AP1AR: variants seen among roughly 807,000 people sequenced by gnomAD.
AP1AR encodes AP-1 complex-associated regulatory protein.
In AP1AR, 29 loss-of-function variants were observed where a neutral mutation model predicts 46.3. That is an observed-to-expected ratio of 0.63 (90% CI 0.47 to 0.85). The LOEUF (loss-of-function observed/expected upper bound fraction) is 0.85. Among genes scored for constraint, AP1AR ranks in the 40% least tolerant of loss-of-function variants. AP1AR has a pLI of 0.00. For synonymous variants in AP1AR, 122 were observed against 122.9 expected, an observed-to-expected ratio of 0.99 and a Z score of 0.05; for missense variants, 357 against 356.3, an observed-to-expected ratio of 1.00 and a Z score of -0.02.
chr4:112,265,830 T>C, intron 8 of AP1AR, 23 bp downstream of exon 8: 1 of 1,500,274 alleles, frequency 6.7e-7, no homozygotes, highest in Non-Finnish European at 9.2e-7. Flanking sequence ...AAGTATTTTC[T>C]GTACTTTTTA....
intron 4 of AP1AR, 26 bp downstream of exon 4, chr4:112,257,823 C>A (rs547174670): frequency 5.3e-4 from 765 of 1,444,960 alleles, no homozygotes; most frequent in Middle Eastern, 1.6e-3. Context: ...AAAAAAAAAA[C>A]AAAACTTCTA....
At chr4:112,260,367 C>G (rs1180108042) in intron 4 of AP1AR, among the ~76,000 whole-genome samples, 1 of 152,078 alleles carries the variant, frequency 6.6e-6, no homozygotes, top group Non-Finnish European at 1.5e-5. Flanking sequence ...AGAAGAGTTC[C>G]AGAATGGTAT....
intron 1 of AP1AR, among the ~76,000 whole-genome samples, chr4:112,233,605 GA>G (rs1271363397): frequency 2.0e-5 from 3 of 152,230 alleles, no homozygotes; most frequent in African/African-American, 7.2e-5. Context: ...GTTGGTTGGT[GA>G]GGGAGCAGTA....
rs1352895250 is a variant in AP1AR, at chr4:112,269,333, A to AT, written c.*928dup. On this transcript the variant is annotated 3_prime_UTR_variant, in exon 10 of 10. Transcript: ENST00000274000. ...CTTTCTGGTATGAAAGGCTCCATTG[A>AT]TTTTATTAAGCCTTCCTTTACCTTG... is the stretch of plus-strand genomic sequence containing the variant. 1 of 152,280 alleles carries AT rather than the reference A, an allele frequency of 6.6e-6. No homozygotes were observed. The highest frequency in any genetic ancestry group is 1.5e-5 in the Non-Finnish European group (1 of 67,826). 9.4% of individuals were successfully genotyped at this position (152,280 alleles called of 1,614,324 possible). A position where few individuals can be genotyped will look rare whatever the true frequency, so the allele number is the denominator to read the frequency against.
chr4:112,260,169 G>A (rs531728095), intron 4 of AP1AR, among the ~76,000 whole-genome samples: 46 of 152,242 alleles, frequency 3.0e-4, no homozygotes, highest in African/African-American at 1.1e-3. Flanking sequence ...AAGTGAATAT[G>A]GAATAATGAT....
At chr4:112,243,510 C>T (rs1465491119) in intron 1 of AP1AR, among the ~76,000 whole-genome samples, 3 of 152,150 alleles carry the variant, frequency 2.0e-5, no homozygotes, top group African/African-American at 7.2e-5. Flanking sequence ...GTTATTCATA[C>T]GTTCATTCTA....
chr4:112,262,677 T>C (rs1011892447), intron 5 of AP1AR, among the ~76,000 whole-genome samples: 1 of 152,120 alleles, frequency 6.6e-6, no homozygotes, highest in Non-Finnish European at 1.5e-5. Context: ...GGGTGATAGG[T>C]GTTGGAATGA....
At position 112,253,254 on chromosome 4, in the gene AP1AR, G is replaced by C. The variant is rs368420296; in HGVS notation, c.130G>C (p.Glu44Gln). The C allele has an allele frequency of 3.7e-6, 6 of 1,608,348 alleles. No individual in the cohort carries two copies. The highest frequency in any genetic ancestry group is 5.1e-6 in the Non-Finnish European group (6 of 1,177,034). The change falls in exon 2 of 10, where the codon GAG becomes CAG. Residue 44 changes from glutamate (E) to glutamine (Q), a missense_variant and splice_region_variant. By Grantham distance (29) the Glu-to-Gln change is conservative. This residue lies in a region of AP1AR where 269 missense variants were observed against 223.6 expected (regional missense o/e 1.20). Transcript: ENST00000274000. ...TCSRGEHLTI[E>Q]FENLVESDEG... is the part of the protein sequence containing the mutation. ...CTCAAGAGGTGAGCACTTAACAATA[G>C]AGGTAAGTAGTCCTTAATTTGATTG...
chr4:112,249,028 C>T (rs1218837341), intron 1 of AP1AR, among the ~76,000 whole-genome samples: 1 of 152,194 alleles, frequency 6.6e-6, no homozygotes, highest in East Asian at 1.9e-4. Flanking sequence ...TGCGGTGGCT[C>T]ACGCCTGTAA....
intron 3 of AP1AR, among the ~76,000 whole-genome samples, chr4:112,256,554 C>T (rs1299399587): frequency 6.6e-6 from 1 of 152,164 alleles, no homozygotes; most frequent in Non-Finnish European, 1.5e-5. Context: ...CCCTCTTCTC[C>T]TCTCTAATTT....
chr4:112,254,502 A>G (rs529849121), intron 2 of AP1AR, among the ~76,000 whole-genome samples: 30 of 152,226 alleles, frequency 2.0e-4, no homozygotes, highest in Admixed American at 4.6e-4. Flanking sequence ...GAAAATTGCT[A>G]TAATTCTCCT....
intron 1 of AP1AR, among the ~76,000 whole-genome samples, chr4:112,247,023 G>GTAT (rs1725753839): frequency 6.6e-6 from 1 of 152,172 alleles, no homozygotes; most frequent in Admixed American, 6.5e-5. Flanking sequence ...GATCCATGAT[G>GTAT]TATTGTTTGT....
At chr4:112,237,229 C>A (rs991504098) in intron 1 of AP1AR, among the ~76,000 whole-genome samples, 2 of 152,032 alleles carry the variant, frequency 1.3e-5, no homozygotes, top group Admixed American at 6.5e-5. Flanking sequence ...GCCTCAGCAT[C>A]CCGAGTAGCT....
Position 112,268,784 on chromosome 4 carries a change from C to A in AP1AR, c.*375C>A, listed in dbSNP as rs1406908358. On this transcript the variant is annotated 3_prime_UTR_variant, in exon 10 of 10. Transcript: ENST00000274000. ...TTGTCTAACTATGAAAATATTAAGA[C>A]TTTTTTGTTAATTCTCAGCCGATGT... 1 of 157,486 alleles carries A rather than the reference C, an allele frequency of 6.3e-6. No homozygotes were observed. Among genetic ancestry groups the A allele is most frequent in the African/African-American group, 2.4e-5 (1 of 41,638 alleles). 9.8% of individuals were successfully genotyped at this position (157,486 alleles called of 1,614,324 possible).
intron 4 of AP1AR, among the ~76,000 whole-genome samples, chr4:112,258,555 A>G (rs562291005): frequency 6.6e-6 from 1 of 152,326 alleles, no homozygotes; most frequent in East Asian, 1.9e-4. Context: ...CCCAAAACAA[A>G]ATCCAAGAAG....
intron 3 of AP1AR, 190 bp downstream of exon 3, chr4:112,254,963 AT>A (rs57595867): frequency 0.031 from 8,891 of 282,476 alleles, no homozygotes; most frequent in East Asian, 0.044. Context: ...ATAATTCCGA[AT>A]TTTTTTTTTT....
chr4:112,266,295 C>A (rs1023478950), intron 8 of AP1AR, among the ~76,000 whole-genome samples: 1 of 150,966 alleles, frequency 6.6e-6, no homozygotes, highest in East Asian at 1.9e-4. Context: ...TTTTTTGTGC[C>A]GCTTTGTAAT....
In AP1AR at chr4:112,232,012, G is replaced by T. The variant is rs565802117; in HGVS notation, c.-80G>T. ...CTTGAACCCCATTTCGGCTCGTGCC[G>T]TGCGGATGCAGCTGCCGGGCCTGGG... On this transcript the variant is annotated 5_prime_UTR_variant, in exon 1 of 10. Coordinates refer to ENST00000274000, the MANE Select transcript of AP1AR (RefSeq NM_018569.6). 22 of 1,258,910 alleles carry T rather than the reference G, an allele frequency of 1.7e-5. No individual in the cohort carries two copies. The Admixed American group carries it at 2.0e-4, about 12-fold the overall frequency. The allele number at this position is 1,258,910 out of a possible 1,614,324, so 78.0% of individuals were successfully genotyped here.
rs1727001057 is a variant in AP1AR, at chr4:112,272,627, G to T, written c.*4218G>T. Reference sequence around the variant, plus strand: ...AGAGCCCTAAGACAAAGGTCAAGCTGGGTACTCAATCTTTTGACGTCCCCC... The same window carrying T: ...AGAGCCCTAAGACAAAGGTCAAGCTTGGTACTCAATCTTTTGACGTCCCCC... On this transcript the variant is annotated 3_prime_UTR_variant, in exon 10 of 10. Coordinates refer to ENST00000274000, the MANE Select transcript of AP1AR (RefSeq NM_018569.6). 6.6e-6 allele frequency among the ~76,000 whole-genome samples: 1 copy of T among 152,150 alleles called. No homozygotes were observed. Among genetic ancestry groups the T allele is most frequent in the Non-Finnish European group, 1.5e-5 (1 of 68,022 alleles).
Sources: allele counts gnomAD v4.1 joint callset (sites outside exome capture counted in the v4.1 genomes callset), GRCh38; gene constraint gnomAD v4.1.1; regional missense constraint gnomAD v4.1.1; transcripts MANE v1.5; gene names NCBI Gene and HGNC (gene_info 2026-07-23, HGNC 2026-07-21).